SDK1: variants seen among roughly 807,000 people sequenced by gnomAD.
The protein encoded by SDK1 is sidekick cell adhesion molecule 1.
SDK1 carries 157 observed loss-of-function variants against 245.5 expected under a neutral mutation model. The observed-to-expected ratio is 0.64, with a 90% CI of 0.56 to 0.73. SDK1 has a LOEUF of 0.73. Ranked by LOEUF, SDK1 falls within the 30% of genes least tolerant of loss-of-function variation. The pLI, the probability that SDK1 is intolerant of heterozygous loss-of-function variation, is 0.00. For synonymous variants in SDK1, 1,647 were observed against 1,278.5 expected (o/e 1.29, Z -6.15); for missense variants, 3,583 against 3,002.3 (o/e 1.19, Z -4.52).
chr7:3,987,190 C>A lies in SDK1; in HGVS notation c.1999C>A (p.Leu667Met). The change falls in exon 14 of 45, where the codon CTG (leucine) becomes ATG (methionine). Residue 667 changes from leucine to methionine, a missense_variant. Physicochemically the swap from Leu to Met is conservative, Grantham distance 15 (BLOSUM62 2). Transcript: ENST00000404826. ...SRMARLEVIE[L>M]PHSPQNLLVS... is the part of the protein sequence containing the mutation. ...TTTCATCCCATTCAATTCAAGTGAA[C>A]TGCCTCATTCACCTCAGAACCTCCT... 1 of 1,613,916 alleles carries A rather than the reference C, an allele frequency of 6.2e-7. No homozygotes were observed. Among genetic ancestry groups the A allele is most frequent in the Non-Finnish European group, 8.5e-7 (1 of 1,179,936 alleles).
At chr7:3,894,928 G>T (rs1050317566) in intron 5 of SDK1, among the ~76,000 whole-genome samples, 2 of 151,984 alleles carry the variant, frequency 1.3e-5, no homozygotes, top group African/African-American at 2.4e-5. Flanking sequence ...TGATCTGCCT[G>T]CTTTGGCCTC....
chr7:4,121,581 C>A (rs1359891991), intron 25 of SDK1, among the ~76,000 whole-genome samples: 2 of 152,198 alleles, frequency 1.3e-5, no homozygotes, highest in Non-Finnish European at 2.9e-5. Context: ...AAACCTCTTT[C>A]CTTTATAAAC....
chr7:3,645,180 C>G (rs546541969), intron 4 of SDK1, among the ~76,000 whole-genome samples: 54 of 152,268 alleles, frequency 3.5e-4, no homozygotes, highest in African/African-American at 1.3e-3. Context: ...ATGCTAAAGC[C>G]TGTTTAATTC....
intron 22 of SDK1, among the ~76,000 whole-genome samples, chr7:4,109,837 CG>C (rs1783218801): frequency 6.6e-6 from 1 of 152,006 alleles, no homozygotes; most frequent in African/African-American, 2.4e-5. Context: ...AGGTGGGGCT[CG>C]GGGTCAGATT....
intron 1 of SDK1, among the ~76,000 whole-genome samples, chr7:3,308,498 T>A (rs1311624283): frequency 6.6e-6 from 1 of 152,170 alleles, no homozygotes; most frequent in Non-Finnish European, 1.5e-5. Flanking sequence ...ATACAGACAA[T>A]GTCTAGTGAA....
intron 1 of SDK1, among the ~76,000 whole-genome samples, chr7:3,372,709 A>G (rs1228918721): frequency 6.6e-6 from 1 of 152,154 alleles, no homozygotes; most frequent in Non-Finnish European, 1.5e-5. Context: ...AGCTGACTAC[A>G]TCCTTAGTGA....
chr7:3,413,810 G>A (rs1171697778), intron 1 of SDK1, among the ~76,000 whole-genome samples: 1 of 152,170 alleles, frequency 6.6e-6, no homozygotes. Flanking sequence ...AATGTAGCAA[G>A]ATCTGCCATC....
chr7:3,766,973 C>G (rs558827242), intron 4 of SDK1, among the ~76,000 whole-genome samples: 1 of 152,144 alleles, frequency 6.6e-6, no homozygotes, highest in South Asian at 2.1e-4. Flanking sequence ...ATTGGGTTTT[C>G]GTAGCTATTT....
intron 19 of SDK1, among the ~76,000 whole-genome samples, chr7:4,056,795 ACATTCCGCCGTGGGTCCCACCAGAC>A (rs1779231724): frequency 6.6e-6 from 1 of 151,950 alleles, no homozygotes; most frequent in Non-Finnish European, 1.5e-5. Flanking sequence ...CCCCACCAGA[ACATTCCGCCGTGGGTCCCACCAGAC>A]CATTCCGCCC....
At chr7:3,543,712 G>C (rs1404370419) in intron 1 of SDK1, among the ~76,000 whole-genome samples, 2 of 152,216 alleles carry the variant, frequency 1.3e-5, no homozygotes, top group African/African-American at 4.8e-5. Flanking sequence ...ACACAGGCAG[G>C]AGTTACCTGG....
At chr7:4,183,935 AGTG>A (rs1782736098) in intron 35 of SDK1, among the ~76,000 whole-genome samples, 3 of 152,234 alleles carry the variant, frequency 2.0e-5, no homozygotes, top group African/African-American at 7.2e-5. Flanking sequence ...CAGGCCTGGC[AGTG>A]CCAACCCTGC....
At chr7:3,739,480 TTC>T (rs1357090405) in intron 4 of SDK1, among the ~76,000 whole-genome samples, 3 of 152,166 alleles carry the variant, frequency 2.0e-5, no homozygotes, top group Non-Finnish European at 4.4e-5. Flanking sequence ...TTCCTTTTAT[TTC>T]TCTTTGTTCT....
At chr7:3,635,687 C>CT (rs1476265529) in intron 2 of SDK1, among the ~76,000 whole-genome samples, 1 of 151,692 alleles carries the variant, frequency 6.6e-6, no homozygotes, top group Non-Finnish European at 1.5e-5. Context: ...GGAAAATAGT[C>CT]TTTTCCTATT....
At chr7:4,224,793 C>T (rs1185091068) in intron 40 of SDK1, among the ~76,000 whole-genome samples, 1 of 151,416 alleles carries the variant, frequency 6.6e-6, no homozygotes, top group African/African-American at 2.4e-5. Flanking sequence ...CCAGCCTGAC[C>T]AACATGGTGA....
intron 22 of SDK1, among the ~76,000 whole-genome samples, chr7:4,089,792 C>T (rs561619022): frequency 1.3e-5 from 2 of 152,324 alleles, no homozygotes; most frequent in East Asian, 3.9e-4. Flanking sequence ...TATAGACAAG[C>T]CTTAAGAATC....
intron 35 of SDK1, among the ~76,000 whole-genome samples, chr7:4,187,552 A>C (rs552154027): frequency 6.6e-6 from 1 of 152,292 alleles, no homozygotes; most frequent in South Asian, 2.1e-4. Flanking sequence ...AAGGTATCTC[A>C]TTATTATTTT....
chr7:4,106,879 T>G (rs2128189267), intron 22 of SDK1, among the ~76,000 whole-genome samples: 1 of 151,860 alleles, frequency 6.6e-6, no homozygotes, highest in East Asian at 2.0e-4. Flanking sequence ...GCTGAGAGCC[T>G]GCCCTGAGTG....
chr7:3,825,783 ACT>A (rs952256910), intron 5 of SDK1, among the ~76,000 whole-genome samples: 48 of 151,990 alleles, frequency 3.2e-4, no homozygotes, highest in African/African-American at 1.2e-3. Context: ...CCCAGGTACA[ACT>A]CTCTCCTATT....
At chr7:3,722,859 C>A (rs1176919415) in intron 4 of SDK1, among the ~76,000 whole-genome samples, 1 of 152,212 alleles carries the variant, frequency 6.6e-6, no homozygotes, top group Non-Finnish European at 1.5e-5. Context: ...CCCTCCTGGC[C>A]ATTCCCCCTC....
Sources: gnomAD v4.1 joint callset for allele counts (sites outside exome capture counted in the v4.1 genomes callset) on GRCh38, gnomAD v4.1.1 for gene constraint, MANE v1.5 for transcripts, NCBI Gene and HGNC (gene_info 2026-07-23, HGNC 2026-07-21) for gene names.